Variants in KCNMB1 observed in about 807,000 individuals in gnomAD.
KCNMB1 encodes potassium calcium-activated channel subfamily M regulatory beta subunit 1.
In KCNMB1, 22 loss-of-function variants were observed where a neutral mutation model predicts 21.7. The observed-to-expected ratio is 1.01, with a 90% CI of 0.72 to 1.45. KCNMB1 has a LOEUF of 1.45. KCNMB1 is among the 40% of genes most tolerant of loss of function. KCNMB1 has a pLI of 0.00. For synonymous variants in KCNMB1, 114 were observed against 107.6 expected (o/e 1.06, Z -0.37); for missense variants, 243 against 243.4 (o/e 1.00, Z 0.01).
chr5:170,382,446 G>T (rs79272105), intron 3 of KCNMB1, among the ~76,000 whole-genome samples: 19,125 of 152,086 alleles, frequency 0.13, 1,314 homozygotes, highest in African/African-American at 0.19. Context: ...TCTGGGAACA[G>T]ACCTTAGTCT....
rs972467931 is a variant in KCNMB1, at chr5:170,374,833, G to T, written c.*3871C>A. 6.6e-6 allele frequency: 1 copy of T among 152,342 alleles called. No homozygotes were observed. The highest frequency in any genetic ancestry group is 3.4e-3 in the Middle Eastern group (1 of 294). The allele number at this position is 152,342 out of a possible 1,614,324, so 9.4% of individuals were successfully genotyped here. ...AAAGTTCTGTGAGCAGCAGACAGTT[G>T]TGGCATTTGCTAGAAGGCCAGTCTT... is the stretch of plus-strand genomic sequence containing the variant. On this transcript the variant is annotated 3_prime_UTR_variant, in exon 4 of 4. Coordinates refer to ENST00000274629, the MANE Select transcript of KCNMB1 (RefSeq NM_004137.4).
In KCNMB1 at chr5:170,378,413, T is replaced by C; in HGVS notation, c.*291A>G. ...TCGTTCTCTGTGGGGCACATAGTGA[T>C]GCAGCCGGAAACAGGTATGAGTCAG... On this transcript the variant is annotated 3_prime_UTR_variant, in exon 4 of 4. Coordinates refer to ENST00000274629, the MANE Select transcript of KCNMB1 (RefSeq NM_004137.4). 1 of 353,754 alleles carries C rather than the reference T, an allele frequency of 2.8e-6. No homozygotes were observed. The highest frequency in any genetic ancestry group is 5.1e-6 in the Non-Finnish European group (1 of 196,670). The allele number at this position is 353,754 out of a possible 1,614,324, so 21.9% of individuals were successfully genotyped here.
intron 3 of KCNMB1, among the ~76,000 whole-genome samples, chr5:170,379,635 T>C (rs1764159020): frequency 6.6e-6 from 1 of 152,142 alleles, no homozygotes; most frequent in African/African-American, 2.4e-5. Flanking sequence ...ATCCAGAAGA[T>C]CTATAATAGC....
chr5:170,386,686 G>GT (rs1383099188), intron 1 of KCNMB1, among the ~76,000 whole-genome samples: 1,714 of 143,778 alleles, frequency 0.012, 21 homozygotes, highest in African/African-American at 0.037. Flanking sequence ...ATATTCCGGT[G>GT]TTTTTTTTTT....
Position 170,378,492 on chromosome 5 carries a change from A to C in KCNMB1, c.*212T>G, listed in dbSNP as rs969283102. On this transcript the variant is annotated 3_prime_UTR_variant, in exon 4 of 4. Coordinates refer to ENST00000274629, the MANE Select transcript of KCNMB1 (RefSeq NM_004137.4). ...GAACTGGCTGGCCTTATGGCCTCCA[A>C]GGCATTGGGGAGCCACTGTACATTC... The C allele has an allele frequency of 2.9e-5, 17 of 595,054 alleles. No individual in the cohort carries two copies. Among genetic ancestry groups the C allele is most frequent in the South Asian group, 1.4e-4 (6 of 43,096 alleles). 36.9% of individuals were successfully genotyped at this position (595,054 alleles called of 1,614,324 possible).
At chr5:170,387,291 C>T (rs1164433296) in intron 1 of KCNMB1, among the ~76,000 whole-genome samples, 1 of 152,108 alleles carries the variant, frequency 6.6e-6, no homozygotes, top group Non-Finnish European at 1.5e-5. Context: ...GTTTAATTAG[C>T]CAGTGTCCGG....
At chr5:170,387,208 T>C (rs1332616809) in intron 1 of KCNMB1, among the ~76,000 whole-genome samples, 1 of 152,224 alleles carries the variant, frequency 6.6e-6, no homozygotes, top group Admixed American at 6.5e-5. Context: ...GGGGAAATTT[T>C]AGCCAGATAT....
At position 170,377,192 on chromosome 5, in the gene KCNMB1, C is replaced by T. The variant is rs1764037928; in HGVS notation, c.*1512G>A. The stretch of plus-strand genomic sequence containing the variant: ...AATCCTCGCGACAGGACGCTCACTT[C>T]CTACACCGGTAGTTCTCTGGCTCGA... On this transcript the variant is annotated 3_prime_UTR_variant, in exon 4 of 4. Coordinates refer to ENST00000274629, the MANE Select transcript of KCNMB1 (RefSeq NM_004137.4). 6.6e-6 allele frequency: 1 copy of T among 152,334 alleles called. No individual in the cohort carries two copies. The highest frequency in any genetic ancestry group is 2.1e-4 in the South Asian group (1 of 4,828). The allele number at this position is 152,334 out of a possible 1,614,324, so 9.4% of individuals were successfully genotyped here.
intron 1 of KCNMB1, among the ~76,000 whole-genome samples, chr5:170,386,831 T>C (rs1331515824): frequency 6.6e-6 from 1 of 152,120 alleles, no homozygotes; most frequent in East Asian, 1.9e-4. Flanking sequence ...TGCTGGTGGT[T>C]GCTTTCCTTC....
chr5:170,385,294 A>G lies in KCNMB1; in HGVS notation c.134+20T>C, dbSNP rs780662155. On this transcript the variant is annotated intron_variant, in intron 2 of 3. Transcript: ENST00000274629. ...CTTAGGAGAGGGTTGGGGGGTGGGC[A>G]GGCCGGGAGAGCTCAGTACCTTTTC... 1 of 1,613,768 alleles carries G rather than the reference A, an allele frequency of 6.2e-7. No homozygotes were observed.
At chr5:170,387,299 C>A (rs796226662) in intron 1 of KCNMB1, among the ~76,000 whole-genome samples, 1 of 152,086 alleles carries the variant, frequency 6.6e-6, no homozygotes, top group Admixed American at 6.5e-5. Flanking sequence ...AGCCAGTGTC[C>A]GGGTGACAGG....
chr5:170,383,931 C>T (rs1048725662), intron 2 of KCNMB1, 81 bp from the exon 3 acceptor site: 31 of 1,458,694 alleles, frequency 2.1e-5, no homozygotes, highest in Non-Finnish European at 2.8e-5. Flanking sequence ...CCATTATCCC[C>T]TGGGAGCCTC....
chr5:170,387,130 T>A (rs1048952858), intron 1 of KCNMB1, among the ~76,000 whole-genome samples: 3 of 152,146 alleles, frequency 2.0e-5, no homozygotes, highest in Non-Finnish European at 4.4e-5. Flanking sequence ...CAGAGTCCAT[T>A]TCTACCAAAA....
At chr5:170,379,561 G>A (rs1764152560) in intron 3 of KCNMB1, among the ~76,000 whole-genome samples, 1 of 152,126 alleles carries the variant, frequency 6.6e-6, no homozygotes, top group South Asian at 2.1e-4. Context: ...CCTGTCAATA[G>A]GGAGAGAGCC....
chr5:170,377,565 T>C lies in KCNMB1; in HGVS notation c.*1139A>G, dbSNP rs1764054290. 6.7e-6 allele frequency: 1 copy of C among 148,472 alleles called. No individual in the cohort carries two copies. 9.2% of individuals were successfully genotyped at this position (148,472 alleles called of 1,614,324 possible). A position where few individuals can be genotyped will look rare whatever the true frequency, so the allele number is the denominator to read the frequency against. On this transcript the variant is annotated 3_prime_UTR_variant, in exon 4 of 4. Coordinates refer to ENST00000274629, the MANE Select transcript of KCNMB1 (RefSeq NM_004137.4). Reference sequence around the variant, plus strand: ...GACCTTTCCTCCAGAGGGTTGTTTTTCATTTTTTGTTTTTTGTTTTTTTTT... The same window carrying C: ...GACCTTTCCTCCAGAGGGTTGTTTTCCATTTTTTGTTTTTTGTTTTTTTTT...
intron 3 of KCNMB1, among the ~76,000 whole-genome samples, chr5:170,379,577 C>T (rs757397447): frequency 9.2e-5 from 14 of 152,108 alleles, no homozygotes; most frequent in Non-Finnish European, 1.5e-4. Context: ...GAGCCAGCTG[C>T]CTCCAGACAG....
intron 3 of KCNMB1, 150 bp from the exon 4 acceptor site, chr5:170,379,123 T>C: frequency 3.3e-6 from 3 of 907,836 alleles, no homozygotes; most frequent in East Asian, 2.6e-5. Flanking sequence ...GGCCATGCGC[T>C]GTACAGGTCT....
In KCNMB1 at chr5:170,378,811, G is replaced by T. The variant is rs1351513804; in HGVS notation, c.469C>A (p.Leu157Ile). ...LFQRLYGPQA[L>I]LFSLFWPTFL... The stretch of plus-strand genomic sequence containing the variant: ...GTGGGCCAGAAGAGGGAGAAGAGGA[G>T]GGCCTGGGGCCCGTAGAGGCGCTGG... Residue 157 changes from leucine to isoleucine, a missense_variant, in exon 4 of 4, where the codon CTC (leucine) becomes ATC (isoleucine). Leu to Ile is a conservative substitution (Grantham distance 5). Transcript: ENST00000274629. 1 of 1,614,238 alleles carries T rather than the reference G, an allele frequency of 6.2e-7. No individual in the cohort carries two copies. Among genetic ancestry groups the T allele is most frequent in the Non-Finnish European group, 8.5e-7 (1 of 1,180,046 alleles).
chr5:170,386,181 G>T (rs775453562), intron 1 of KCNMB1, among the ~76,000 whole-genome samples: 2 of 151,964 alleles, frequency 1.3e-5, no homozygotes, highest in Admixed American at 6.6e-5. Context: ...AGACAATATT[G>T]GATTATCCAT....
Sources: allele counts gnomAD v4.1 joint callset (sites outside exome capture counted in the v4.1 genomes callset), GRCh38; gene constraint gnomAD v4.1.1; transcripts MANE v1.5; gene names NCBI Gene and HGNC (gene_info 2026-07-23, HGNC 2026-07-21).